Variants in CSMD3 observed in about 807,000 individuals in gnomAD.
CSMD3 encodes the protein CUB and sushi domain-containing protein 3.
CSMD3 carries 177 observed loss-of-function variants against 435.2 expected under a neutral mutation model. That is an observed-to-expected ratio of 0.41 (90% CI 0.36 to 0.46). The LOEUF (loss-of-function observed/expected upper bound fraction) is 0.46, where lower values mean the gene tolerates loss of function less well. CSMD3 is among the 20% of genes least tolerant of loss of function. The pLI is 0.34. For synonymous variants in CSMD3, 1,656 were observed against 1,520.5 expected, an observed-to-expected ratio of 1.09 and a Z score of -2.07; for missense variants, 4,265 against 4,504.6, an observed-to-expected ratio of 0.95 and a Z score of 1.52.
At chr8:112,426,964 C>T (rs895117573) in intron 32 of CSMD3, among the ~76,000 whole-genome samples, 1 of 152,094 alleles carries the variant, frequency 6.6e-6, no homozygotes, top group Non-Finnish European at 1.5e-5. Context: ...CATGGCTCTC[C>T]TTTTTCATTT....
chr8:112,610,060 A>T (rs1451587895), intron 22 of CSMD3, among the ~76,000 whole-genome samples: 1 of 152,098 alleles, frequency 6.6e-6, no homozygotes, highest in Non-Finnish European at 1.5e-5. Context: ...ACAAATTTAC[A>T]GCTGTAAGAT....
intron 35 of CSMD3, among the ~76,000 whole-genome samples, chr8:112,404,847 A>G (rs1831632181): frequency 6.6e-6 from 1 of 151,904 alleles, no homozygotes; most frequent in African/African-American, 2.4e-5. Flanking sequence ...TTAAAACAAA[A>G]ATAAAACAAA....
At chr8:113,352,290 C>G (rs2132920010) in intron 1 of CSMD3, among the ~76,000 whole-genome samples, 1 of 152,084 alleles carries the variant, frequency 6.6e-6, no homozygotes, top group Admixed American at 6.6e-5. Context: ...AGAAGACACA[C>G]AGAGATACAA....
At chr8:112,685,817 A>G in intron 14 of CSMD3, 85 bp from the exon 15 acceptor site, 2 of 865,098 alleles carry the variant, frequency 2.3e-6, no homozygotes, top group Non-Finnish European at 3.8e-6. Context: ...CAATTATGAT[A>G]ATCAATTAGC....
At chr8:112,797,352 A>G (rs1444975904) in intron 13 of CSMD3, among the ~76,000 whole-genome samples, 4 of 151,828 alleles carry the variant, frequency 2.6e-5, no homozygotes, top group South Asian at 2.1e-4. Flanking sequence ...TCTTTTTTCT[A>G]TTTTGAGTTT....
At chr8:113,387,478 C>T (rs2094444148) in intron 1 of CSMD3, among the ~76,000 whole-genome samples, 2 of 151,614 alleles carry the variant, frequency 1.3e-5, no homozygotes, top group African/African-American at 4.8e-5. Flanking sequence ...AGATAAAATC[C>T]ATACTTTCGA....
intron 32 of CSMD3, among the ~76,000 whole-genome samples, chr8:112,469,712 C>T (rs1178778472): frequency 6.6e-6 from 1 of 152,138 alleles, no homozygotes. Flanking sequence ...GATAGCTCAC[C>T]TGCCACTCAC....
intron 18 of CSMD3, among the ~76,000 whole-genome samples, chr8:112,654,602 T>C (rs1401892547): frequency 2.0e-5 from 3 of 152,198 alleles, no homozygotes; most frequent in Non-Finnish European, 4.4e-5. Context: ...ACTGAAGGTA[T>C]GCATTTGAGC....
chr8:112,594,171 C>T (rs5015896), intron 22 of CSMD3, among the ~76,000 whole-genome samples: 85,876 of 150,654 alleles, frequency 0.57, 24,850 homozygotes, highest in African/African-American at 0.67. Context: ...GCACCGTGTG[C>T]GAGCCGAAGC....
intron 42 of CSMD3, among the ~76,000 whole-genome samples, chr8:112,339,708 T>C (rs1320321478): frequency 6.6e-6 from 1 of 152,148 alleles, no homozygotes; most frequent in African/African-American, 2.4e-5. Context: ...GTACTCTAAA[T>C]TGTACAGTAT....
intron 36 of CSMD3, among the ~76,000 whole-genome samples, chr8:112,388,622 C>A (rs912530056): frequency 6.6e-6 from 1 of 152,120 alleles, no homozygotes; most frequent in African/African-American, 2.4e-5. Context: ...TTGAATTTGA[C>A]AAGCCATCAA....
rs1393340010 is a variant in CSMD3, at chr8:113,177,011, GTGA to G, written c.515-3098_515-3096del. Among the ~76,000 whole-genome samples the G allele has an allele frequency of 7.9e-5, 12 of 151,374 alleles. No individual in the cohort carries two copies. The South Asian group carries it at 1.2e-3, about 16-fold the overall frequency. ...TATATGTTGTAAGTATTTACAGTAA[GTGA>G]TGATATTGCTTAAAATACATAAAAT... is the stretch of plus-strand genomic sequence containing the variant. On this transcript the variant is annotated intron_variant, in intron 3 of 70. Coordinates refer to ENST00000297405, the MANE Select transcript of CSMD3 (RefSeq NM_198123.2).
chr8:112,810,312 T>C (rs1435035749), intron 12 of CSMD3, among the ~76,000 whole-genome samples: 1 of 152,154 alleles, frequency 6.6e-6, no homozygotes, highest in Non-Finnish European at 1.5e-5. Flanking sequence ...ATTTCACACA[T>C]ACAGGCACAC....
At chr8:113,210,333 T>A (rs902184930) in intron 3 of CSMD3, among the ~76,000 whole-genome samples, 3 of 152,042 alleles carry the variant, frequency 2.0e-5, no homozygotes, top group African/African-American at 7.2e-5. Context: ...GCTGCTTCAA[T>A]CAGAAGATTT....
chr8:112,672,511 T>G (rs2075681871), intron 16 of CSMD3, among the ~76,000 whole-genome samples: 1 of 152,136 alleles, frequency 6.6e-6, no homozygotes, highest in African/African-American at 2.4e-5. Context: ...GACCCCCACC[T>G]GATCCCTCAG....
At chr8:112,811,963 A>G (rs983862826) in intron 12 of CSMD3, among the ~76,000 whole-genome samples, 2 of 152,138 alleles carry the variant, frequency 1.3e-5, no homozygotes, top group Admixed American at 1.3e-4. Flanking sequence ...GCTACAGAGG[A>G]AAGAGTCATA....
At chr8:113,248,481 A>G (rs1588365567) in intron 3 of CSMD3, among the ~76,000 whole-genome samples, 3 of 135,736 alleles carry the variant, frequency 2.2e-5, no homozygotes, top group South Asian at 2.3e-4. Flanking sequence ...ATATATGTAT[A>G]TATACATATA....
At chr8:112,863,939 T>G (rs1360738920) in intron 10 of CSMD3, among the ~76,000 whole-genome samples, 2 of 152,090 alleles carry the variant, frequency 1.3e-5, no homozygotes, top group African/African-American at 2.4e-5. Context: ...AAATTAAATA[T>G]GACAACTTTG....
chr8:113,061,574 C>G (rs1274788070), intron 5 of CSMD3, among the ~76,000 whole-genome samples: 2 of 152,006 alleles, frequency 1.3e-5, no homozygotes, highest in Admixed American at 6.6e-5. Flanking sequence ...ATTCACTGTT[C>G]ACATATTTCA....
Sources: gnomAD v4.1 joint callset for allele counts (sites outside exome capture counted in the v4.1 genomes callset) on GRCh38, gnomAD v4.1.1 for gene constraint, MANE v1.5 for transcripts, NCBI Gene and HGNC (gene_info 2026-07-23, HGNC 2026-07-21) for gene names.